Variants in PRTG observed in about 807,000 individuals in gnomAD.
The protein encoded by PRTG is protogenin, also known as immunoglobulin superfamily, DCC subclass, member 5.
In PRTG, 67 loss-of-function variants were observed where a neutral mutation model predicts 122.5. The ratio of observed to expected loss-of-function variants is 0.55; its 90% CI spans 0.45 to 0.67. The LOEUF (loss-of-function observed/expected upper bound fraction) is 0.67, where lower values mean the gene tolerates loss of function less well. PRTG is among the 30% of genes least tolerant of loss of function. The probability of loss-of-function intolerance (pLI) is 0.00; values close to 1 mark genes in which losing one functional copy is unlikely to be tolerated. For synonymous variants in PRTG, 554 were observed against 501.1 expected (o/e 1.11, Z -1.41); for missense variants, 1,435 against 1,415.4 (o/e 1.01, Z -0.22).
intron 11 of PRTG, among the ~76,000 whole-genome samples, chr15:55,654,238 G>A (rs1395001157): frequency 6.6e-6 from 1 of 152,152 alleles, no homozygotes; most frequent in Admixed American, 6.5e-5. Context: ...AATATGGTGA[G>A]GGTTGATATC....
chr15:55,642,301 A>C (rs964149540), intron 11 of PRTG, among the ~76,000 whole-genome samples: 3 of 152,110 alleles, frequency 2.0e-5, no homozygotes, highest in African/African-American at 7.2e-5. Flanking sequence ...ATTTAAATAC[A>C]GAATACTTGC....
At chr15:55,718,345 T>G (rs932088264) in intron 2 of PRTG, among the ~76,000 whole-genome samples, 13 of 152,234 alleles carry the variant, frequency 8.5e-5, no homozygotes, top group Admixed American at 4.6e-4. Flanking sequence ...CTAGTCTCTG[T>G]TCCCAATGAA....
At chr15:55,737,802 G>C (rs1487234895) in intron 2 of PRTG, among the ~76,000 whole-genome samples, 1 of 151,772 alleles carries the variant, frequency 6.6e-6, no homozygotes, top group Non-Finnish European at 1.5e-5. Flanking sequence ...TGAAGTTTTA[G>C]ATTTCCAGGT....
intron 2 of PRTG, among the ~76,000 whole-genome samples, chr15:55,720,448 C>T (rs2030772707): frequency 6.6e-6 from 1 of 152,150 alleles, no homozygotes; most frequent in Non-Finnish European, 1.5e-5. Context: ...CTTGACTGAT[C>T]TGGTTCAAAG....
chr15:55,731,893 G>A (rs1431352196), intron 2 of PRTG, among the ~76,000 whole-genome samples: 1 of 152,120 alleles, frequency 6.6e-6, no homozygotes, highest in Non-Finnish European at 1.5e-5. Context: ...GAAACACATC[G>A]TTAGGTGATT....
At chr15:55,637,853 C>A (rs1470077356) in intron 14 of PRTG, among the ~76,000 whole-genome samples, 1 of 152,084 alleles carries the variant, frequency 6.6e-6, no homozygotes, top group Non-Finnish European at 1.5e-5. Context: ...ACAGTAAAAT[C>A]TTGGAATTTA....
intron 15 of PRTG, among the ~76,000 whole-genome samples, chr15:55,635,360 G>C (rs1330883830): frequency 6.6e-6 from 1 of 152,136 alleles, no homozygotes; most frequent in Admixed American, 6.6e-5. Flanking sequence ...AAAGTGCTGG[G>C]ATTACAGGCA....
chr15:55,676,323 A>G (rs577731056), intron 8 of PRTG, among the ~76,000 whole-genome samples: 1 of 152,242 alleles, frequency 6.6e-6, no homozygotes, highest in Non-Finnish European at 1.5e-5. Flanking sequence ...TCAAATATGC[A>G]TGACAAGGTA....
chr15:55,623,276 T>C (rs2059176604), intron 18 of PRTG, among the ~76,000 whole-genome samples: 1 of 151,918 alleles, frequency 6.6e-6, no homozygotes, highest in African/African-American at 2.4e-5. Context: ...CCTTTAAAAA[T>C]GTAAAAAACA....
intron 6 of PRTG, 118 bp from the exon 7 acceptor site, chr15:55,679,563 A>G (rs1349519398): frequency 2.8e-6 from 2 of 714,056 alleles, no homozygotes; most frequent in Non-Finnish European, 4.5e-6. Context: ...TGACATGCTG[A>G]GCTCCTGTCT....
chr15:55,682,245 T>C (rs2059542752), intron 4 of PRTG, 119 bp downstream of exon 4: 2 of 850,936 alleles, frequency 2.4e-6, no homozygotes, highest in East Asian at 3.3e-5. Flanking sequence ...ATTTTCCAAA[T>C]AGATTATAAT....
At chr15:55,675,450 T>A (rs2059497187) in intron 9 of PRTG, 69 bp downstream of exon 9, 2 of 1,140,408 alleles carry the variant, frequency 1.8e-6, no homozygotes, top group East Asian at 4.8e-5. Flanking sequence ...TTAAAACACA[T>A]TTATTCATTG....
chr15:55,740,987 T>C (rs1341090493), intron 1 of PRTG, among the ~76,000 whole-genome samples: 1 of 152,244 alleles, frequency 6.6e-6, no homozygotes, highest in African/African-American at 2.4e-5. Context: ...GGAAAACTCA[T>C]GAGCACAAGC....
intron 9 of PRTG, 88 bp downstream of exon 9, chr15:55,675,431 A>G (rs2059497058): frequency 1.0e-6 from 1 of 962,270 alleles, no homozygotes; most frequent in South Asian, 2.5e-5. Flanking sequence ...CAAAAAGAGG[A>G]TATTTTCTTT....
At chr15:55,624,856 A>G (rs2059186236) in intron 17 of PRTG, among the ~76,000 whole-genome samples, 1 of 152,198 alleles carries the variant, frequency 6.6e-6, no homozygotes, top group Admixed American at 6.5e-5. Flanking sequence ...CCAATTAATG[A>G]TGGTAAATTT....
chr15:55,711,163 C>A (rs1456254457), intron 2 of PRTG, among the ~76,000 whole-genome samples: 2 of 146,626 alleles, frequency 1.4e-5, no homozygotes, highest in Non-Finnish European at 3.0e-5. Context: ...CTCAAGTGAT[C>A]CACCTGCTTT....
chr15:55,642,812 G>A (rs183563926), intron 11 of PRTG, among the ~76,000 whole-genome samples: 454 of 152,188 alleles, frequency 3.0e-3, no homozygotes, highest in African/African-American at 0.01. Flanking sequence ...ATAGAGGATG[G>A]GTGCAGTAAC....
rs1016742131 is a variant in PRTG, at chr15:55,616,083, T to C, written c.*3929A>G. ...CACTAAGAATCTAATTTCTTTGGTA[T>C]GGCAAAACTGATTTTTAAAAGTCAC... On this transcript the variant is annotated 3_prime_UTR_variant, in exon 20 of 20. Transcript: ENST00000389286. 2 of 152,178 alleles carry C rather than the reference T, an allele frequency of 1.3e-5. No homozygotes were observed. The highest frequency in any genetic ancestry group is 6.5e-5 in the Admixed American group (1 of 15,274). 9.4% of individuals were successfully genotyped at this position (152,178 alleles called of 1,614,324 possible). A position where few individuals can be genotyped will look rare whatever the true frequency, so the allele number is the denominator to read the frequency against.
intron 11 of PRTG, among the ~76,000 whole-genome samples, chr15:55,652,097 A>G (rs901805041): frequency 1.3e-5 from 2 of 152,218 alleles, no homozygotes; most frequent in Admixed American, 6.5e-5. Context: ...GACTATGTAC[A>G]ACTTTAAATT....
Sources: gnomAD v4.1 joint callset for allele counts (sites outside exome capture counted in the v4.1 genomes callset) on GRCh38, gnomAD v4.1.1 for gene constraint, MANE v1.5 for transcripts, NCBI Gene and HGNC (gene_info 2026-07-23, HGNC 2026-07-21) for gene names.